CTSS: variants seen among roughly 807,000 people sequenced by gnomAD.
The protein encoded by CTSS is cathepsin S.
Under a neutral mutation model 39.9 loss-of-function variants are expected in CTSS, and 15 were observed. The ratio of observed to expected loss-of-function variants is 0.38; its 90% CI spans 0.25 to 0.58. The LOEUF is 0.58. CTSS is among the 20% of genes least tolerant of loss of function. The pLI, the probability that CTSS is intolerant of heterozygous loss-of-function variation, is 0.70. For missense variants in CTSS, 250 were observed against 398.2 expected (o/e 0.63, Z 3.17); for synonymous variants, 126 against 138.2 (o/e 0.91, Z 0.62).
rs587621048 is a variant in CTSS at position 150,736,772 on chromosome 1, T to TAA, written c.897-3629_897-3628dup. Reference sequence around the variant, plus strand: ...AACTTCCCTTAAACAATGAAACTGATAAAAAAAAAAAATCTTAAGCTAAAT... The same window carrying TAA: ...AACTTCCCTTAAACAATGAAACTGATAAAAAAAAAAAAAATCTTAAGCTAAAT... On this transcript the variant is annotated intron_variant, in intron 7 of 7. Coordinates refer to ENST00000368985, the MANE Select transcript of CTSS (RefSeq NM_004079.5). Among the ~76,000 whole-genome samples, 108 of 145,982 alleles carry TAA rather than the reference T, an allele frequency of 7.4e-4. 1 individual carries two copies. The highest frequency in any genetic ancestry group is 1.9e-3 in the South Asian group (9 of 4,652).
chr1:150,745,929 A>C (rs1458506574), intron 7 of CTSS, among the ~76,000 whole-genome samples: 2 of 152,220 alleles, frequency 1.3e-5, no homozygotes, highest in African/African-American at 4.8e-5. Flanking sequence ...TGACATAATC[A>C]AATGAAATAA....
intron 3 of CTSS, among the ~76,000 whole-genome samples, chr1:150,757,187 C>A (rs1653151000): frequency 6.6e-6 from 1 of 152,124 alleles, no homozygotes; most frequent in Non-Finnish European, 1.5e-5. Context: ...CACTAGCATC[C>A]CAGCTAGGCA....
intron 7 of CTSS, among the ~76,000 whole-genome samples, chr1:150,739,662 T>TCAACAACAACAA (rs10556231): frequency 1.3e-5 from 2 of 149,386 alleles, no homozygotes; most frequent in Admixed American, 1.3e-4. Context: ...GAGACCTGTC[T>TCAACAACAACAA]CAACAACAAC....
chr1:150,736,259 G>A (rs1159468462), intron 7 of CTSS, among the ~76,000 whole-genome samples: 2 of 152,126 alleles, frequency 1.3e-5, no homozygotes, highest in Non-Finnish European at 2.9e-5. Flanking sequence ...CATCCTGTGA[G>A]GTGAATATTA....
rs1192954235 is a variant in CTSS at position 150,739,851 on chromosome 1, A to G, written c.897-6706T>C. On this transcript the variant is annotated intron_variant, in intron 7 of 7. Coordinates refer to ENST00000368985, the MANE Select transcript of CTSS (RefSeq NM_004079.5). ...GGCCCTAACTCTCTTCCATTGTAAG[A>G]AGGCTGATGAAACTAAAATTAAAGA... Among the ~76,000 whole-genome samples, 3 of 152,072 alleles carry G rather than the reference A, an allele frequency of 2.0e-5. No homozygotes were observed. The East Asian group carries it at 5.8e-4, about 29-fold the overall frequency.
Position 150,731,858 on chromosome 1 carries a change from T to A in CTSS, c.*1188A>T, listed in dbSNP as rs1158648264. The A allele has an allele frequency of 6.6e-6, 1 of 152,220 alleles. No individual in the cohort carries two copies. The highest frequency in any genetic ancestry group is 1.5e-5 in the Non-Finnish European group (1 of 68,040). The allele number at this position is 152,220 out of a possible 1,614,324, so 9.4% of individuals were successfully genotyped here. On this transcript the variant is annotated 3_prime_UTR_variant, in exon 8 of 8. Coordinates refer to ENST00000368985, the MANE Select transcript of CTSS (RefSeq NM_004079.5). ...GATCATTAAAATAATTCTTCCAAAG[T>A]GCTTGTCTTTTATGCATTTCTTTAC...
In CTSS at chr1:150,750,041, T is replaced by A; in HGVS notation, c.758A>T (p.Asp253Val). Reference sequence around the variant, plus strand: ...GAGGAAGAAAGAAGGATGACGCGCATCTACACCAACAGACACTGGGCCTTT... The same window carrying A: ...GAGGAAGAAAGAAGGATGACGCGCAACTACACCAACAGACACTGGGCCTTT... ...ANKGPVSVGV[D>V]ARHPSFFLYR... Residue 253 changes from aspartate to valine, a missense_variant, in exon 6 of 8, where the codon GAT (aspartate) becomes GTT (valine). Transcript: ENST00000368985. The A allele has an allele frequency of 6.2e-7, 1 of 1,613,482 alleles. No individual in the cohort carries two copies. Among genetic ancestry groups the A allele is most frequent in the Non-Finnish European group, 8.5e-7 (1 of 1,179,536 alleles).
intron 2 of CTSS, among the ~76,000 whole-genome samples, chr1:150,762,245 C>A (rs1653282350): frequency 6.6e-6 from 1 of 152,068 alleles, no homozygotes; most frequent in South Asian, 2.1e-4. Flanking sequence ...TGAAATTGAA[C>A]CCTTATGTCA....
At chr1:150,759,042 T>A (rs1653197762) in intron 2 of CTSS, among the ~76,000 whole-genome samples, 2 of 150,182 alleles carry the variant, frequency 1.3e-5, no homozygotes, top group South Asian at 2.1e-4. Context: ...ATTATTATTT[T>A]TTTTTTTTGT....
At chr1:150,753,993 C>A (rs1420750000) in intron 4 of CTSS, among the ~76,000 whole-genome samples, 1 of 151,948 alleles carries the variant, frequency 6.6e-6, no homozygotes, top group Non-Finnish European at 1.5e-5. Context: ...TCCAGTTGTC[C>A]CTCAGTATCC....
intron 7 of CTSS, among the ~76,000 whole-genome samples, chr1:150,744,637 A>G (rs1479148806): frequency 7.1e-6 from 1 of 140,396 alleles, no homozygotes; most frequent in Non-Finnish European, 1.5e-5. Context: ...ATTATAGATT[A>G]TGTATGCATA....
rs750380196 is a variant in CTSS, at chr1:150,747,811, G to A, written c.862C>T (p.Leu288Phe). The A allele has an allele frequency of 5.0e-6, 8 of 1,613,506 alleles. No individual in the cohort carries two copies. In the East Asian group the frequency reaches 1.8e-4, roughly 36 times the overall value. ...HGVLVVGYGD[L>F]NGKEYWLVKN... ...ACAAGCCAGTATTCTTTCCCATTAA[G>A]ATCACCATAGCCAACCACAAGTACA... Residue 288 changes from leucine (L) to phenylalanine (F), a missense_variant, in exon 7 of 8, where the codon CTT becomes TTT. Physicochemically the swap from Leu to Phe is conservative, Grantham distance 22. Transcript: ENST00000368985.
rs766009873 is a variant in CTSS, at chr1:150,757,827, G to A, written c.249+31C>T. The A allele has an allele frequency of 1.4e-5, 22 of 1,601,594 alleles. 1 individual carries two copies. Among genetic ancestry groups the A allele is most frequent in the African/African-American group, 5.4e-5 (4 of 74,548 alleles). ...GAAAGGAAATGATATTTACCCAGAC[G>A]TGAAAGTGGGATTTCTTGTAATGTA... On this transcript the variant is annotated intron_variant, in intron 3 of 7. Coordinates refer to ENST00000368985, the MANE Select transcript of CTSS (RefSeq NM_004079.5).
intron 4 of CTSS, among the ~76,000 whole-genome samples, chr1:150,753,058 T>C (rs905309000): frequency 6.6e-6 from 1 of 152,162 alleles, no homozygotes. Context: ...CCTCACTATA[T>C]TGCCTAGGTT....
chr1:150,744,868 G>A (rs1239325478), intron 7 of CTSS, among the ~76,000 whole-genome samples: 1 of 151,694 alleles, frequency 6.6e-6, no homozygotes, highest in East Asian at 1.9e-4. Context: ...AAGAGAAGCA[G>A]ATTTGAATTT....
In CTSS at chr1:150,750,084, T is replaced by C. The variant is rs2101919208; in HGVS notation, c.715A>G (p.Lys239Glu). 1 of 1,614,112 alleles carries C rather than the reference T, an allele frequency of 6.2e-7. No individual in the cohort carries two copies. The highest frequency in any genetic ancestry group is 2.2e-5 in the East Asian group (1 of 44,890). Reference sequence around the variant, plus strand: ...GGGCCTTTATTGGCCACAGCTTCTTTCAGGACATCTTCTCTGCCATAAGGA... The same window carrying C: ...GGGCCTTTATTGGCCACAGCTTCTTCCAGGACATCTTCTCTGCCATAAGGA... ...ELPYGREDVL[K>E]EAVANKGPVS... Residue 239 changes from lysine (K) to glutamate (E), a missense_variant, in exon 6 of 8, where the codon AAA becomes GAA. Physicochemically the swap from Lys to Glu is moderately conservative, Grantham distance 56. Transcript: ENST00000368985.
intron 3 of CTSS, among the ~76,000 whole-genome samples, chr1:150,756,707 TC>T (rs1428347188): frequency 5.0e-5 from 7 of 138,994 alleles, no homozygotes; most frequent in Admixed American, 4.6e-4. Context: ...TTTCTTTCTT[TC>T]TTTTTTTTTT....
Position 150,762,407 on chromosome 1 carries a change from A to G in CTSS, c.126+2231T>C, listed in dbSNP as rs146250948. Reference sequence around the variant, plus strand: ...ATATGACCCCTAAAGAACAGGCAACAATAGCAAAAATAGACGAACGGGACT... The same window carrying G: ...ATATGACCCCTAAAGAACAGGCAACGATAGCAAAAATAGACGAACGGGACT... On this transcript the variant is annotated intron_variant, in intron 2 of 7. Coordinates refer to ENST00000368985, the MANE Select transcript of CTSS (RefSeq NM_004079.5). Among the ~76,000 whole-genome samples the G allele has an allele frequency of 1.9e-4, 29 of 152,292 alleles. No homozygotes were observed. In the East Asian group the frequency reaches 4.6e-3, roughly 24 times the overall value.
intron 2 of CTSS, among the ~76,000 whole-genome samples, chr1:150,759,850 G>A (rs1653216171): frequency 6.6e-6 from 1 of 152,098 alleles, no homozygotes; most frequent in Non-Finnish European, 1.5e-5. Flanking sequence ...TTGAGCGGGT[G>A]AGCCCAGTCC....
Sources: gnomAD v4.1 joint callset for allele counts (sites outside exome capture counted in the v4.1 genomes callset) on GRCh38, gnomAD v4.1.1 for gene constraint, MANE v1.5 for transcripts, NCBI Gene and HGNC (gene_info 2026-07-23, HGNC 2026-07-21) for gene names.